The following TRAPPC9 variants were observed in gnomAD, a reference collection of about 807,000 sequenced individuals.
TRAPPC9 encodes IKK2 binding protein.
In TRAPPC9, 83 loss-of-function variants were observed where a neutral mutation model predicts 124.0. The ratio of observed to expected loss-of-function variants is 0.67; its 90% confidence interval spans 0.56 to 0.80. The LOEUF (loss-of-function observed/expected upper bound fraction) is 0.80, where lower values mean the gene tolerates loss of function less well. TRAPPC9 is among the 30% of genes least tolerant of loss of function. The pLI is 0.00. For synonymous variants in TRAPPC9, 638 were observed against 617.5 expected, an observed-to-expected ratio of 1.03 and a Z score of -0.49; for missense variants, 1,302 against 1,508.3, an observed-to-expected ratio of 0.86 and a Z score of 2.27.
rs187941066 is a variant in TRAPPC9 at position 139,870,422 on chromosome 8, A to C, written c.3055+15457T>G. Among the ~76,000 whole-genome samples, 7 of 152,344 alleles carry C rather than the reference A, an allele frequency of 4.6e-5. No individual in the cohort carries two copies. In the East Asian group the frequency reaches 9.6e-4, roughly 21 times the overall value. On this transcript the variant is annotated intron_variant, in intron 21 of 22. Transcript: ENST00000438773. ...TAAGAGATTGCTCCATTTGAAAGGAATATCATACAGTGCGACTCACTCTGG... is the reference window on the plus strand; with the variant it reads ...TAAGAGATTGCTCCATTTGAAAGGACTATCATACAGTGCGACTCACTCTGG...
At chr8:140,057,191 T>C (rs937608957) in intron 17 of TRAPPC9, among the ~76,000 whole-genome samples, 1 of 152,122 alleles carries the variant, frequency 6.6e-6, no homozygotes, top group Admixed American at 6.5e-5. Context: ...AAATGACAAG[T>C]ATTAGTGAGG....
At chr8:140,084,457 G>A (rs1844053592) in intron 17 of TRAPPC9, among the ~76,000 whole-genome samples, 1 of 152,168 alleles carries the variant, frequency 6.6e-6, no homozygotes, top group South Asian at 2.1e-4. Flanking sequence ...CTGGTTAAAA[G>A]CCTTCAATAG....
intron 21 of TRAPPC9, among the ~76,000 whole-genome samples, chr8:139,839,075 G>A (rs969227282): frequency 6.6e-6 from 1 of 152,236 alleles, no homozygotes; most frequent in Non-Finnish European, 1.5e-5. Flanking sequence ...GGGTGGCTCA[G>A]CCCCTGCCTC....
At chr8:139,772,392 G>A (rs1821030692) in intron 21 of TRAPPC9, among the ~76,000 whole-genome samples, 1 of 152,160 alleles carries the variant, frequency 6.6e-6, no homozygotes, top group Non-Finnish European at 1.5e-5. Flanking sequence ...AGGAGATGGG[G>A]GCTGGGGCCT....
rs1041980227 is a variant in TRAPPC9, at chr8:140,353,595, A to G, written c.1495+6455T>C. ...ATTTTCCACAGGAATTGGTGTCAGT[A>G]ACTGTAAATTCATCCTGAAACGGCC... On this transcript the variant is annotated intron_variant, in intron 9 of 22. Coordinates refer to ENST00000438773, the MANE Select transcript of TRAPPC9 (RefSeq NM_001160372.4). The surrounding 1 kb of genome is among the most constrained non-coding windows in gnomAD (Gnocchi z 4.2). Among the ~76,000 whole-genome samples the G allele has an allele frequency of 4.6e-5, 7 of 152,170 alleles. No individual in the cohort carries two copies. The highest frequency in any genetic ancestry group is 1.7e-4 in the African/African-American group (7 of 41,424).
intron 21 of TRAPPC9, among the ~76,000 whole-genome samples, chr8:139,836,527 G>T (rs1349109762): frequency 1.3e-5 from 2 of 152,228 alleles, no homozygotes; most frequent in African/African-American, 2.4e-5. Context: ...GCCCAGGCCT[G>T]CATGAAGCCC....
chr8:139,740,182 G>T (rs955183365), intron 21 of TRAPPC9, among the ~76,000 whole-genome samples: 2 of 152,186 alleles, frequency 1.3e-5, no homozygotes, highest in Non-Finnish European at 2.9e-5. Flanking sequence ...TCCTCAAGGC[G>T]TCACATCGGC....
intron 15 of TRAPPC9, among the ~76,000 whole-genome samples, chr8:140,265,016 C>T (rs1182736364): frequency 1.3e-5 from 2 of 152,172 alleles, no homozygotes; most frequent in Non-Finnish European, 2.9e-5. Context: ...CCCGTGTTCT[C>T]GTCATCACGC....
At chr8:139,768,219 T>G (rs1481035344) in intron 21 of TRAPPC9, among the ~76,000 whole-genome samples, 1 of 152,232 alleles carries the variant, frequency 6.6e-6, no homozygotes, top group African/African-American at 2.4e-5. Context: ...AAGCATAGTT[T>G]TACATATTAA....
chr8:140,202,563 C>T (rs750091572), intron 17 of TRAPPC9, among the ~76,000 whole-genome samples: 4 of 152,116 alleles, frequency 2.6e-5, no homozygotes, highest in Non-Finnish European at 5.9e-5. Context: ...TAGAGAAAAA[C>T]CTTTCATAGA....
At chr8:140,301,033 T>G (rs945544975) in intron 10 of TRAPPC9, among the ~76,000 whole-genome samples, 2 of 152,116 alleles carry the variant, frequency 1.3e-5, no homozygotes, top group African/African-American at 4.8e-5. Flanking sequence ...ATGGGGAGGA[T>G]CCAGCTAAAG....
chr8:140,128,638 G>A (rs780677287), intron 17 of TRAPPC9, among the ~76,000 whole-genome samples: 16 of 152,224 alleles, frequency 1.1e-4, no homozygotes, highest in Admixed American at 2.6e-4. Flanking sequence ...GATCCCGTGG[G>A]GTGGGGATTA....
At chr8:140,244,740 T>C (rs989520296) in intron 16 of TRAPPC9, among the ~76,000 whole-genome samples, 9 of 151,244 alleles carry the variant, frequency 6.0e-5, no homozygotes, top group African/African-American at 2.2e-4. Context: ...TTTTTCAATC[T>C]CATCAGATGA....
At chr8:140,256,929 G>C (rs2064279403) in intron 15 of TRAPPC9, among the ~76,000 whole-genome samples, 1 of 152,136 alleles carries the variant, frequency 6.6e-6, no homozygotes, top group Admixed American at 6.5e-5. Context: ...TTCAGGTTTG[G>C]CAAGAACACC....
chr8:140,300,407 T>C (rs962716165), intron 11 of TRAPPC9, 62 bp downstream of exon 11: 92 of 1,610,812 alleles, frequency 5.7e-5, no homozygotes, highest in Non-Finnish European at 7.4e-5. Context: ...TCTAAAAATC[T>C]AGAAAAGCCA....
At chr8:139,880,840 G>C (rs926306004) in intron 21 of TRAPPC9, among the ~76,000 whole-genome samples, 7 of 152,318 alleles carry the variant, frequency 4.6e-5, no homozygotes, top group African/African-American at 1.7e-4. Flanking sequence ...TCTGGAAATG[G>C]TTCCACACTG....
intron 19 of TRAPPC9, among the ~76,000 whole-genome samples, chr8:139,942,323 G>A (rs1833967682): frequency 6.6e-6 from 1 of 152,106 alleles, no homozygotes; most frequent in African/African-American, 2.4e-5. Flanking sequence ...TTGAATCCCT[G>A]GGCATTGACC....
rs1050903466 is a variant in TRAPPC9 at position 139,776,111 on chromosome 8, A to G, written c.3056-43909T>C. On this transcript the variant is annotated intron_variant, in intron 21 of 22. Transcript: ENST00000438773. The surrounding 1 kb of genome is among the most constrained non-coding windows in gnomAD (Gnocchi z 4.1). The stretch of plus-strand genomic sequence containing the variant: ...CCTGACCAACCTCCTTCCTGAGGAC[A>G]AGAGGACGAGGCTGGACTCTGCCAG... Among the ~76,000 whole-genome samples, 4 of 152,194 alleles carry G rather than the reference A, an allele frequency of 2.6e-5. No homozygotes were observed. Among genetic ancestry groups the G allele is most frequent in the African/African-American group, 7.2e-5 (3 of 41,446 alleles).
rs570088483 is a variant in TRAPPC9 at position 139,825,133 on chromosome 8, G to A, written c.3055+60746C>T. 9.2e-5 allele frequency among the ~76,000 whole-genome samples: 14 copies of A among 152,236 alleles called. No homozygotes were observed. The South Asian group carries it at 1.5e-3, about 16-fold the overall frequency. On this transcript the variant is annotated intron_variant, in intron 21 of 22. Transcript: ENST00000438773. This position sits in a 1 kb window ranked among gnomAD's most constrained non-coding sequence, Gnocchi z 4.6. ...GCCCTGGACGTGGGACGTGGGCTGC[G>A]GGACTACAGGATTACAGAGGGGTCT...
Sources: allele counts gnomAD v4.1 joint callset (sites outside exome capture counted in the v4.1 genomes callset), GRCh38; gene constraint gnomAD v4.1.1; non-coding constraint Gnocchi (gnomAD v3.1); transcripts MANE v1.5; gene names NCBI Gene and HGNC (gene_info 2026-07-23, HGNC 2026-07-21).